Variants in HSD17B11 observed in about 807,000 individuals in gnomAD.
HSD17B11 encodes hydroxysteroid 17-beta dehydrogenase 11, also known as estradiol 17-beta-dehydrogenase 11.
Under a neutral mutation model 27.8 loss-of-function variants are expected in HSD17B11, and 22 were observed. The ratio of observed to expected loss-of-function variants is 0.79; its 90% CI spans 0.56 to 1.13. The LOEUF (loss-of-function observed/expected upper bound fraction) is 1.13, where lower values mean the gene tolerates loss of function less well. Among genes scored for constraint, HSD17B11 ranks in the 50% most tolerant of loss-of-function variants. The pLI, the probability that HSD17B11 is intolerant of heterozygous loss-of-function variation, is 0.00. For missense variants in HSD17B11, 314 were observed against 351.1 expected, an observed-to-expected ratio of 0.89 and a Z score of 0.84; for synonymous variants, 117 against 132.8, an observed-to-expected ratio of 0.88 and a Z score of 0.82.
chr4:87,363,671 TTAAA>T (rs562833928), intron 4 of HSD17B11, among the ~76,000 whole-genome samples: 6 of 152,206 alleles, frequency 3.9e-5, no homozygotes, highest in African/African-American at 9.6e-5. Context: ...GAAAATCATA[TTAAA>T]TAGTTAAAAG....
intron 4 of HSD17B11, among the ~76,000 whole-genome samples, chr4:87,364,143 TTTTTGTTTTG>T (rs79409660): frequency 8.6e-5 from 13 of 151,534 alleles, no homozygotes; most frequent in South Asian, 4.1e-4. Flanking sequence ...TATTTTTGTT[TTTTTGTTTTG>T]TTTTGTTTTG....
At chr4:87,371,317 G>T (rs761965782) in intron 4 of HSD17B11, among the ~76,000 whole-genome samples, 13 of 151,988 alleles carry the variant, frequency 8.6e-5, no homozygotes, top group Non-Finnish European at 1.2e-4. Context: ...ACCATAACAC[G>T]GATAAATCTC....
At chr4:87,363,807 C>T (rs1469022046) in intron 4 of HSD17B11, among the ~76,000 whole-genome samples, 1 of 152,180 alleles carries the variant, frequency 6.6e-6, no homozygotes, top group Non-Finnish European at 1.5e-5. Flanking sequence ...AGGTTCAATT[C>T]CCCACCCAGG....
At chr4:87,384,077 T>C (rs1043163741) in intron 1 of HSD17B11, among the ~76,000 whole-genome samples, 1 of 152,154 alleles carries the variant, frequency 6.6e-6, no homozygotes, top group African/African-American at 2.4e-5. Flanking sequence ...GAAACTGTTA[T>C]GATAATAAAG....
intron 4 of HSD17B11, among the ~76,000 whole-genome samples, chr4:87,370,624 G>C (rs1164290731): frequency 6.6e-6 from 1 of 150,942 alleles, no homozygotes; most frequent in Non-Finnish European, 1.5e-5. Context: ...TCACCATGTT[G>C]GCCAGGATGG....
intron 2 of HSD17B11, among the ~76,000 whole-genome samples, chr4:87,379,821 AATAGT>A (rs1048056672): frequency 2.4e-5 from 3 of 127,368 alleles, no homozygotes; most frequent in African/African-American, 9.7e-5. Context: ...TTATAGTATT[AATAGT>A]ATATGTATTA....
At chr4:87,387,482 C>T (rs1031226985) in intron 1 of HSD17B11, among the ~76,000 whole-genome samples, 1 of 152,186 alleles carries the variant, frequency 6.6e-6, no homozygotes, top group African/African-American at 2.4e-5. Flanking sequence ...CAGGTATTCA[C>T]CAGCCCAAGA....
intron 1 of HSD17B11, among the ~76,000 whole-genome samples, chr4:87,383,267 T>A (rs752398870): frequency 3.3e-5 from 5 of 152,038 alleles, no homozygotes; most frequent in Admixed American, 6.6e-5. Context: ...TATCAAAAAA[T>A]GAATGAGGAG....
chr4:87,378,955 T>A (rs1284097640), intron 2 of HSD17B11, among the ~76,000 whole-genome samples: 1 of 29,528 alleles, frequency 3.4e-5, no homozygotes, highest in African/African-American at 2.5e-4. Context: ...TATTTATATA[T>A]ATATATTTTT....
intron 4 of HSD17B11, among the ~76,000 whole-genome samples, chr4:87,370,009 A>T (rs1239769561): frequency 6.6e-6 from 1 of 152,190 alleles, no homozygotes; most frequent in Non-Finnish European, 1.5e-5. Context: ...ATTAATCATT[A>T]AAACTGTTGA....
chr4:87,378,874 A>T (rs1720015075), intron 2 of HSD17B11, among the ~76,000 whole-genome samples: 2 of 15,862 alleles, frequency 1.3e-4, no homozygotes, highest in African/African-American at 9.4e-4. Flanking sequence ...ATAAATATAT[A>T]TATATAAATA....
intron 1 of HSD17B11, among the ~76,000 whole-genome samples, chr4:87,390,538 C>G (rs1190286863): frequency 1.3e-5 from 2 of 152,116 alleles, no homozygotes; most frequent in East Asian, 3.8e-4. Flanking sequence ...TAATATATAG[C>G]TAAAACGATT....
chr4:87,352,877 C>T (rs567357890), intron 5 of HSD17B11, among the ~76,000 whole-genome samples: 5 of 63,908 alleles, frequency 7.8e-5, no homozygotes, highest in Non-Finnish European at 1.4e-4. Flanking sequence ...GGGAGTGACC[C>T]GATTTTCCAG....
intron 2 of HSD17B11, among the ~76,000 whole-genome samples, chr4:87,375,640 C>G (rs1735807194): frequency 6.6e-6 from 1 of 152,212 alleles, no homozygotes; most frequent in African/African-American, 2.4e-5. Context: ...ACTCAGGAGG[C>G]TGAGGCAGGA....
At chr4:87,361,650 C>A (rs1160652256) in intron 4 of HSD17B11, among the ~76,000 whole-genome samples, 1 of 152,102 alleles carries the variant, frequency 6.6e-6, no homozygotes, top group Non-Finnish European at 1.5e-5. Context: ...ACCTGTAGTC[C>A]CAGCTACTAG....
intron 5 of HSD17B11, among the ~76,000 whole-genome samples, chr4:87,346,735 GT>G (rs1166355785): frequency 6.6e-6 from 1 of 151,964 alleles, no homozygotes; most frequent in South Asian, 2.1e-4. Flanking sequence ...TGGAAGTACT[GT>G]TTTTTTCCTA....
At chr4:87,390,197 C>G (rs751667866) in intron 1 of HSD17B11, among the ~76,000 whole-genome samples, 10 of 152,202 alleles carry the variant, frequency 6.6e-5, no homozygotes, top group Non-Finnish European at 1.3e-4. Flanking sequence ...GCTCTGTCGC[C>G]CAGGCTGAAG....
At chr4:87,381,656 G>A (rs1400834912) in intron 2 of HSD17B11, among the ~76,000 whole-genome samples, 1 of 151,674 alleles carries the variant, frequency 6.6e-6, no homozygotes, top group African/African-American at 2.4e-5. Context: ...CTACTTGGGA[G>A]GCTGAGGTGG....
intron 4 of HSD17B11, among the ~76,000 whole-genome samples, chr4:87,364,313 T>G (rs564544971): frequency 6.6e-6 from 1 of 151,304 alleles, no homozygotes; most frequent in East Asian, 1.9e-4. Context: ...GTTTTCCTCA[T>G]GAGACCCCAA....
Sources: gnomAD v4.1 joint callset for allele counts (sites outside exome capture counted in the v4.1 genomes callset) on GRCh38, gnomAD v4.1.1 for gene constraint, MANE v1.5 for transcripts, NCBI Gene and HGNC (gene_info 2026-07-23, HGNC 2026-07-21) for gene names.